HS6ST3: variants seen among roughly 807,000 people sequenced by gnomAD.
HS6ST3 encodes the protein heparan sulfate 6-O-sulfotransferase 3, also known as heparan-sulfate 6-O-sulfotransferase 3.
HS6ST3 carries 12 observed loss-of-function variants against 36.7 expected under a neutral mutation model. The ratio of observed to expected loss-of-function variants is 0.33; its 90% CI spans 0.21 to 0.53. The LOEUF is 0.53. Among genes scored for constraint, HS6ST3 ranks in the 20% least tolerant of loss-of-function variants. HS6ST3 has a pLI of 0.95. For missense variants in HS6ST3, 584 were observed against 640.9 expected, an observed-to-expected ratio of 0.91 and a Z score of 0.96; for synonymous variants, 240 against 257.5, an observed-to-expected ratio of 0.93 and a Z score of 0.65.
chr13:96,554,938 G>T (rs1289104477), intron 1 of HS6ST3, among the ~76,000 whole-genome samples: 3 of 151,838 alleles, frequency 2.0e-5, no homozygotes, highest in Non-Finnish European at 4.4e-5. Context: ...AAATTAATCT[G>T]GGTGTGTGTT....
chr13:96,396,052 G>GC (rs754224380), intron 1 of HS6ST3, among the ~76,000 whole-genome samples: 19 of 152,278 alleles, frequency 1.2e-4, no homozygotes, highest in Non-Finnish European at 2.4e-4. Flanking sequence ...AGTGGCTCAT[G>GC]CCTATAAACC....
intron 1 of HS6ST3, among the ~76,000 whole-genome samples, chr13:96,439,369 G>A (rs185570098): frequency 2.4e-3 from 366 of 152,340 alleles, no homozygotes; most frequent in Non-Finnish European, 3.4e-3. Flanking sequence ...TTAAATTATA[G>A]CAAGATGGTT....
At chr13:96,733,503 T>C (rs1441718068) in intron 1 of HS6ST3, among the ~76,000 whole-genome samples, 1 of 152,240 alleles carries the variant, frequency 6.6e-6, no homozygotes, top group Non-Finnish European at 1.5e-5. Context: ...ATTGTACATT[T>C]CTTTTGATAG....
Position 96,653,908 on chromosome 13 carries a change from C to T in HS6ST3, c.708-178582C>T, listed in dbSNP as rs191690191. On this transcript the variant is annotated intron_variant, in intron 1 of 1. Transcript: ENST00000376705. ...TTTTAACGGTCACCATTCTAACTGG[C>T]GTGAGATGGTATGTCATTGTGGTTT... Among the ~76,000 whole-genome samples, 10 of 152,170 alleles carry T rather than the reference C, an allele frequency of 6.6e-5. No homozygotes were observed. In the East Asian group the frequency reaches 1.4e-3, roughly 21 times the overall value.
At chr13:96,713,252 C>T (rs1054911707) in intron 1 of HS6ST3, among the ~76,000 whole-genome samples, 1 of 152,130 alleles carries the variant, frequency 6.6e-6, no homozygotes, top group Non-Finnish European at 1.5e-5. Flanking sequence ...TCTTTCAAAA[C>T]CATTGATTGC....
chr13:96,602,045 A>G (rs576012704), intron 1 of HS6ST3, among the ~76,000 whole-genome samples: 1 of 152,222 alleles, frequency 6.6e-6, no homozygotes, highest in East Asian at 1.9e-4. Flanking sequence ...TTTTCCTAGT[A>G]TTTTTTAAAC....
intron 1 of HS6ST3, among the ~76,000 whole-genome samples, chr13:96,468,948 C>T (rs2055827654): frequency 6.6e-6 from 1 of 152,166 alleles, no homozygotes; most frequent in Non-Finnish European, 1.5e-5. Flanking sequence ...CTGTTTTCCT[C>T]TTGTTTATTC....
At chr13:96,791,599 C>T (rs1877795470) in intron 1 of HS6ST3, among the ~76,000 whole-genome samples, 1 of 151,992 alleles carries the variant, frequency 6.6e-6, no homozygotes, top group African/African-American at 2.4e-5. Context: ...ATAATACCCC[C>T]ATTGTCATTC....
chr13:96,135,972 A>T (rs1030354108), intron 1 of HS6ST3, among the ~76,000 whole-genome samples: 1 of 152,096 alleles, frequency 6.6e-6, no homozygotes, highest in African/African-American at 2.4e-5. Context: ...CCTGCATTCC[A>T]CCGGTGGGCT....
At chr13:96,135,227 C>T (rs2053995370) in intron 1 of HS6ST3, among the ~76,000 whole-genome samples, 1 of 151,822 alleles carries the variant, frequency 6.6e-6, no homozygotes, top group Non-Finnish European at 1.5e-5. Flanking sequence ...GTGTGTTGAT[C>T]TTCTTCCTTC....
chr13:96,763,058 A>G (rs771918614), intron 1 of HS6ST3, among the ~76,000 whole-genome samples: 4 of 152,194 alleles, frequency 2.6e-5, no homozygotes, highest in Non-Finnish European at 5.9e-5. Context: ...ATTCACATAT[A>G]TGAGATGATG....
At chr13:96,632,265 A>G (rs754062089) in intron 1 of HS6ST3, among the ~76,000 whole-genome samples, 1 of 151,984 alleles carries the variant, frequency 6.6e-6, no homozygotes, top group Non-Finnish European at 1.5e-5. Flanking sequence ...CTGGTGCCTC[A>G]ATCTGGGACT....
chr13:96,656,367 T>C (rs565626835), intron 1 of HS6ST3, among the ~76,000 whole-genome samples: 32 of 152,288 alleles, frequency 2.1e-4, no homozygotes, highest in Non-Finnish European at 3.1e-4. Context: ...CATACCCTTT[T>C]TTCCATTAAG....
At chr13:96,787,251 A>C (rs1877674365) in intron 1 of HS6ST3, among the ~76,000 whole-genome samples, 1 of 152,272 alleles carries the variant, frequency 6.6e-6, no homozygotes, top group Middle Eastern at 3.4e-3. Flanking sequence ...GAGGAGTAGG[A>C]TGACTGGGTC....
At chr13:96,437,278 C>T (rs888663643) in intron 1 of HS6ST3, among the ~76,000 whole-genome samples, 4 of 152,180 alleles carry the variant, frequency 2.6e-5, no homozygotes, top group Admixed American at 2.0e-4. Flanking sequence ...CCCTGGCCAC[C>T]CATTCTGCAC....
intron 1 of HS6ST3, among the ~76,000 whole-genome samples, chr13:96,814,320 T>G (rs1878377584): frequency 6.6e-6 from 1 of 152,212 alleles, no homozygotes; most frequent in African/African-American, 2.4e-5. Flanking sequence ...AATTCAATGT[T>G]TAAAATAATT....
At chr13:96,699,061 A>C (rs1875210286) in intron 1 of HS6ST3, among the ~76,000 whole-genome samples, 1 of 152,228 alleles carries the variant, frequency 6.6e-6, no homozygotes, top group South Asian at 2.1e-4. Context: ...AGAAAGCTGA[A>C]AGTGGATCCC....
At chr13:96,445,011 A>AAAAATGG (rs2055691405) in intron 1 of HS6ST3, among the ~76,000 whole-genome samples, 1 of 152,242 alleles carries the variant, frequency 6.6e-6, no homozygotes, top group Non-Finnish European at 1.5e-5. Flanking sequence ...AATTGTTAAA[A>AAAAATGG]AAAATGGGGG....
chr13:96,564,741 C>G (rs990972242), intron 1 of HS6ST3, among the ~76,000 whole-genome samples: 2 of 152,006 alleles, frequency 1.3e-5, no homozygotes, highest in African/African-American at 4.8e-5. Flanking sequence ...TTCCTCATGA[C>G]CCTAAATAAA....
Sources: gnomAD v4.1 joint callset for allele counts (sites outside exome capture counted in the v4.1 genomes callset) on GRCh38, gnomAD v4.1.1 for gene constraint, MANE v1.5 for transcripts, NCBI Gene and HGNC (gene_info 2026-07-23, HGNC 2026-07-21) for gene names.